Variants in AGBL4 observed in about 807,000 individuals in gnomAD.
The protein encoded by AGBL4 is AGBL carboxypeptidase 4, also known as cytosolic carboxypeptidase 6.
AGBL4 carries 58 observed loss-of-function variants against 66.4 expected under a neutral mutation model. That is an observed-to-expected ratio of 0.87 (90% confidence interval 0.71 to 1.09). The LOEUF (loss-of-function observed/expected upper bound fraction) is 1.09. AGBL4 is among the 50% of genes least tolerant of loss of function. AGBL4 has a pLI of 0.00. For missense variants in AGBL4, 579 were observed against 631.0 expected, an observed-to-expected ratio of 0.92 and a Z score of 0.88; for synonymous variants, 234 against 222.9, an observed-to-expected ratio of 1.05 and a Z score of -0.44.
intron 3 of AGBL4, among the ~76,000 whole-genome samples, chr1:49,690,723 A>C (rs1232467360): frequency 6.6e-6 from 1 of 152,158 alleles, no homozygotes; most frequent in East Asian, 1.9e-4. Flanking sequence ...AGCAAATGAG[A>C]ACCTGTGTTA....
At chr1:49,591,186 A>C (rs180926040) in intron 3 of AGBL4, among the ~76,000 whole-genome samples, 50 of 152,232 alleles carry the variant, frequency 3.3e-4, no homozygotes, top group Non-Finnish European at 4.6e-4. Flanking sequence ...AAAACACAAA[A>C]CAAAATAAAT....
At chr1:49,430,107 C>A (rs1035266401) in intron 3 of AGBL4, among the ~76,000 whole-genome samples, 1 of 152,072 alleles carries the variant, frequency 6.6e-6, no homozygotes, top group African/African-American at 2.4e-5. Flanking sequence ...CCTGCCTCGG[C>A]CTCCAAAAGT....
chr1:48,918,632 T>C (rs1039102842), intron 5 of AGBL4, among the ~76,000 whole-genome samples: 1 of 152,114 alleles, frequency 6.6e-6, no homozygotes, highest in Non-Finnish European at 1.5e-5. Context: ...AACAAGAAGA[T>C]GGCAGTCTGT....
chr1:48,984,291 T>C (rs746706747), intron 5 of AGBL4, among the ~76,000 whole-genome samples: 12 of 151,796 alleles, frequency 7.9e-5, no homozygotes, highest in Non-Finnish European at 1.5e-4. Context: ...ACCTTGTCCA[T>C]GGTCACACAA....
chr1:49,101,060 C>G (rs892850312), intron 4 of AGBL4, among the ~76,000 whole-genome samples: 4 of 152,126 alleles, frequency 2.6e-5, no homozygotes, highest in Non-Finnish European at 5.9e-5. Context: ...ACACTCAAGT[C>G]CCAGCTGAAA....
At chr1:48,926,074 C>T (rs1654533200) in intron 5 of AGBL4, among the ~76,000 whole-genome samples, 2 of 152,196 alleles carry the variant, frequency 1.3e-5, no homozygotes, top group South Asian at 2.1e-4. Context: ...CAGCAAGGGG[C>T]TGCCAAAATG....
At chr1:49,387,193 G>A (rs1255491402) in intron 3 of AGBL4, among the ~76,000 whole-genome samples, 1 of 151,854 alleles carries the variant, frequency 6.6e-6, no homozygotes, top group Non-Finnish European at 1.5e-5. Flanking sequence ...GGGTTAAGTA[G>A]AAGAATCTTC....
At chr1:49,799,823 T>A (rs758323778) in intron 2 of AGBL4, among the ~76,000 whole-genome samples, 4 of 152,090 alleles carry the variant, frequency 2.6e-5, no homozygotes, top group Non-Finnish European at 5.9e-5. Context: ...CTAGTACTTA[T>A]AATGATGTCC....
chr1:48,622,072 A>G (rs561843493), intron 9 of AGBL4, among the ~76,000 whole-genome samples: 150 of 149,656 alleles, frequency 1.0e-3, no homozygotes, highest in Non-Finnish European at 1.9e-3. Flanking sequence ...TCTATGAATC[A>G]TCTCTGCCTG....
At chr1:49,543,389 G>A (rs185913567) in intron 3 of AGBL4, among the ~76,000 whole-genome samples, 2 of 152,110 alleles carry the variant, frequency 1.3e-5, no homozygotes, top group Non-Finnish European at 2.9e-5. Flanking sequence ...TCACTTTGTT[G>A]TAGGTAAAAG....
intron 3 of AGBL4, among the ~76,000 whole-genome samples, chr1:49,306,838 CT>C: frequency 6.6e-6 from 1 of 152,272 alleles, no homozygotes; most frequent in African/African-American, 2.4e-5. Context: ...CATGTTGTCT[CT>C]GGTGTCATGA....
At chr1:48,985,238 AAAG>A (rs1660089903) in intron 5 of AGBL4, among the ~76,000 whole-genome samples, 1 of 152,138 alleles carries the variant, frequency 6.6e-6, no homozygotes, top group African/African-American at 2.4e-5. Context: ...GAGGGAAACC[AAAG>A]AAGAGGCTGA....
intron 2 of AGBL4, among the ~76,000 whole-genome samples, chr1:49,798,104 A>G (rs1180036122): frequency 6.6e-6 from 1 of 152,184 alleles, no homozygotes; most frequent in Non-Finnish European, 1.5e-5. Flanking sequence ...TTCTTGACCA[A>G]TAAAATGGCA....
At chr1:48,712,690 C>T (rs898032441) in intron 6 of AGBL4, among the ~76,000 whole-genome samples, 5 of 152,072 alleles carry the variant, frequency 3.3e-5, no homozygotes, top group Admixed American at 6.5e-5. Context: ...CTAGAGGAGG[C>T]GTGTGAGATG....
chr1:48,643,764 G>A (rs530968329), intron 8 of AGBL4, among the ~76,000 whole-genome samples: 1 of 132,452 alleles, frequency 7.5e-6, no homozygotes, highest in South Asian at 2.6e-4. Context: ...TATCTGACTG[G>A]TCAGCTCCGG....
chr1:48,843,601 A>G (rs1472578416), intron 6 of AGBL4, among the ~76,000 whole-genome samples: 3 of 152,176 alleles, frequency 2.0e-5, no homozygotes, highest in African/African-American at 4.8e-5. Flanking sequence ...TTTATAATGA[A>G]ATTTTATTGC....
intron 3 of AGBL4, among the ~76,000 whole-genome samples, chr1:49,614,004 C>CT (rs1030557303): frequency 2.6e-4 from 40 of 152,228 alleles, no homozygotes; most frequent in Middle Eastern, 6.8e-3. Flanking sequence ...TGTTCATGCT[C>CT]TTTTTTTCTG....
chr1:49,284,271 T>C (rs1235107126), intron 3 of AGBL4, among the ~76,000 whole-genome samples: 1 of 151,918 alleles, frequency 6.6e-6, no homozygotes, highest in Admixed American at 6.6e-5. Flanking sequence ...CCAGCCAAAC[T>C]AAGCTTCATA....
At chr1:49,002,401 T>C (rs944067501) in intron 5 of AGBL4, among the ~76,000 whole-genome samples, 2 of 152,214 alleles carry the variant, frequency 1.3e-5, no homozygotes, top group Non-Finnish European at 2.9e-5. Context: ...GCTGTGATGA[T>C]GCACTTATTC....
Sources: gnomAD v4.1 joint callset for allele counts (sites outside exome capture counted in the v4.1 genomes callset) on GRCh38, gnomAD v4.1.1 for gene constraint, MANE v1.5 for transcripts, NCBI Gene and HGNC (gene_info 2026-07-23, HGNC 2026-07-21) for gene names.